PISD: variants seen among roughly 807,000 people sequenced by gnomAD.
PISD encodes phosphatidylserine decarboxylase, also known as phosphatidylserine decarboxylase proenzyme, mitochondrial.
PISD carries 31 observed loss-of-function variants against 43.5 expected under a neutral mutation model. The observed-to-expected ratio is 0.71, with a 90% confidence interval of 0.54 to 0.96. PISD has a LOEUF of 0.96. Ranked by LOEUF, PISD falls within the 40% of genes least tolerant of loss-of-function variation. The pLI is 0.00. For synonymous variants in PISD, 259 were observed against 228.7 expected, an observed-to-expected ratio of 1.13 and a Z score of -1.20; for missense variants, 523 against 548.4, an observed-to-expected ratio of 0.95 and a Z score of 0.46.
intron 6 of PISD, 110 bp downstream of exon 6, chr22:31,620,886 C>T (rs1227611387): frequency 7.1e-7 from 1 of 1,410,728 alleles, no homozygotes; most frequent in African/African-American, 1.4e-5. Context: ...GCAGTCAACT[C>T]CTGGCCTCAA....
rs2072238367 is a variant in PISD at position 31,618,521 on chromosome 22, G to A, written c.*1091C>T. Reference sequence around the variant, plus strand: ...AGTTTGATTTTTTTTATTTCAAAATGCTTTGCAATTAAATGAATTACTGTT... The same window carrying A: ...AGTTTGATTTTTTTTATTTCAAAATACTTTGCAATTAAATGAATTACTGTT... On this transcript the variant is annotated 3_prime_UTR_variant, in exon 8 of 8. Coordinates refer to ENST00000439502, the MANE Select transcript of PISD (RefSeq NM_001326411.2). 2 of 1,171,236 alleles carry A rather than the reference G, an allele frequency of 1.7e-6. No homozygotes were observed. Among genetic ancestry groups the A allele is most frequent in the African/African-American group, 1.6e-5 (1 of 64,312 alleles). The allele number at this position is 1,171,236 out of a possible 1,614,324, so 72.6% of individuals were successfully genotyped here.
upstream of PISD, chr22:31,662,505 C>G: frequency 2.0e-6 from 1 of 489,208 alleles, no homozygotes; most frequent in Non-Finnish European, 3.8e-6. Context: ...ATCCAAGATC[C>G]AAGAATGTCG....
chr22:31,624,120 G>A (rs531069745), intron 3 of PISD, among the ~76,000 whole-genome samples: 1 of 152,138 alleles, frequency 6.6e-6, no homozygotes, highest in Non-Finnish European at 1.5e-5. Flanking sequence ...TGGGAATGTG[G>A]GGGCAGCCGC....
chr22:31,629,134 C>A, intron 3 of PISD: 1 of 985,306 alleles, frequency 1.0e-6, no homozygotes, highest in Middle Eastern at 5.2e-4. Flanking sequence ...ACACCTGCCC[C>A]CCCAGTGGAA....
chr22:31,652,833 G>A (rs572076374), intron 1 of PISD, among the ~76,000 whole-genome samples: 1 of 151,698 alleles, frequency 6.6e-6, no homozygotes, highest in South Asian at 2.1e-4. Flanking sequence ...GAGCCCAGGA[G>A]TTCAAGACCA....
At chr22:31,643,210 A>C (rs919831210) in intron 3 of PISD, among the ~76,000 whole-genome samples, 3 of 152,164 alleles carry the variant, frequency 2.0e-5, no homozygotes, top group Non-Finnish European at 4.4e-5. Context: ...CGTGGGAATC[A>C]TCATGTCCCC....
intron 1 of PISD, among the ~76,000 whole-genome samples, chr22:31,661,094 T>C (rs1358836810): frequency 1.3e-5 from 2 of 151,422 alleles, no homozygotes; most frequent in African/African-American, 2.4e-5. Flanking sequence ...GGTAATAACA[T>C]TGAAAACAAA....
chr22:31,655,391 C>T lies in PISD; in HGVS notation c.66-4613G>A, dbSNP rs1391764731. ...AGTGCAGTGGCATGATCATAGCTCA[C>T]CGCTGCCTCAAATTTCTGGGCTCAA... On this transcript the variant is annotated intron_variant, in intron 1 of 7. Transcript: ENST00000439502. 4.6e-5 allele frequency among the ~76,000 whole-genome samples: 7 copies of T among 151,886 alleles called. No individual in the cohort carries two copies. In the Admixed American group the frequency reaches 4.6e-4, roughly 10 times the overall value.
In PISD at chr22:31,618,908, G is replaced by T; in HGVS notation, c.*704C>A. The T allele has an allele frequency of 6.1e-6, 1 of 162,990 alleles. No individual in the cohort carries two copies. Among genetic ancestry groups the T allele is most frequent in the Non-Finnish European group, 1.3e-5 (1 of 74,412 alleles). 10.1% of individuals were successfully genotyped at this position (162,990 alleles called of 1,614,324 possible). A position where few individuals can be genotyped will look rare whatever the true frequency, so the allele number is the denominator to read the frequency against. ...ACTCTGGTGCCATGAGGCAGGTTCAGTGATTGATTGGTCTTGCCTGCTGCA... is the reference window on the plus strand; with the variant it reads ...ACTCTGGTGCCATGAGGCAGGTTCATTGATTGATTGGTCTTGCCTGCTGCA... On this transcript the variant is annotated 3_prime_UTR_variant, in exon 8 of 8. Transcript: ENST00000439502.
rs2073167580 is a variant in PISD at position 31,630,738 on chromosome 22, G to A, written c.322-8853C>T. The A allele has an allele frequency of 1.0e-6, 1 of 985,366 alleles. No individual in the cohort carries two copies. The highest frequency in any genetic ancestry group is 4.7e-5 in the South Asian group (1 of 21,300). The allele number at this position is 985,366 out of a possible 1,614,324, so 61.0% of individuals were successfully genotyped here. A position where few individuals can be genotyped will look rare whatever the true frequency, so the allele number is the denominator to read the frequency against. On this transcript the variant is annotated intron_variant, in intron 3 of 7. Transcript: ENST00000439502. The surrounding 1 kb of genome is among the most constrained non-coding windows in gnomAD (Gnocchi z 4.4). The stretch of plus-strand genomic sequence containing the variant: ...ACTGGCCCTCTGAGCGGGCAGGGTG[G>A]GGCGCCTCCCTGAGAAGTCACCTGG...
intron 3 of PISD, chr22:31,623,788 G>T: frequency 1.2e-6 from 2 of 1,614,136 alleles, no homozygotes; most frequent in South Asian, 1.1e-5. Flanking sequence ...TTCAGAGCGG[G>T]TCTGGACATG....
intron 3 of PISD, chr22:31,627,921 G>A: frequency 4.8e-6 from 3 of 629,746 alleles, no homozygotes; most frequent in Non-Finnish European, 5.9e-6. Flanking sequence ...GAGGCCAGGG[G>A]CCAGGTCAGA....
At chr22:31,662,027 C>G (rs998436599) in intron 1 of PISD, 117 bp downstream of exon 1, 26 of 890,608 alleles carry the variant, frequency 2.9e-5, no homozygotes, top group Non-Finnish European at 4.4e-5. Context: ...GAAGGTGGCT[C>G]CGTCTCCACC....
chr22:31,629,296 G>A, intron 3 of PISD: 5 of 868,316 alleles, frequency 5.8e-6, no homozygotes, highest in Non-Finnish European at 6.9e-6. Context: ...AGGTGCAAGG[G>A]TATGTGCATG....
At chr22:31,649,948 G>C (rs2073987462) in intron 2 of PISD, among the ~76,000 whole-genome samples, 3 of 152,242 alleles carry the variant, frequency 2.0e-5, no homozygotes, top group South Asian at 4.1e-4. Flanking sequence ...AGCTAGGCAA[G>C]AGGCATGGAA....
intron 1 of PISD, among the ~76,000 whole-genome samples, chr22:31,651,761 A>G (rs147677846): frequency 0.011 from 1,607 of 152,296 alleles, 8 homozygotes; most frequent in Middle Eastern, 0.031. Context: ...AAAAAAAGGA[A>G]AATACTATTC....
rs1276378755 is a variant in PISD at position 31,621,868 on chromosome 22, T to C, written c.339A>G (p.Ser113=). ...CCCGTGACAGCAAGCGCGTTGGCAC[T>C]GACTTGTACAAAGCCACCTGCAGGC... ...AGHWEVALYK[S]VPTRLLSRAW... is the part of the protein sequence containing the mutation. The change falls in exon 4 of 8, where the codon TCA becomes TCG. Residue 113 remains serine (S), a synonymous_variant. Coordinates refer to ENST00000439502, the MANE Select transcript of PISD (RefSeq NM_001326411.2). 3 of 1,609,034 alleles carry C rather than the reference T, an allele frequency of 1.9e-6. No homozygotes were observed. Among genetic ancestry groups the C allele is most frequent in the Non-Finnish European group, 2.5e-6 (3 of 1,179,956 alleles).
rs1405577178 is a variant in PISD at position 31,643,049 on chromosome 22, CAG to C, written c.321+5050_321+5051del. Among the ~76,000 whole-genome samples, 4 of 145,992 alleles carry C rather than the reference CAG, an allele frequency of 2.7e-5. No homozygotes were observed. In the East Asian group the frequency reaches 6.1e-4, roughly 22 times the overall value. On this transcript the variant is annotated intron_variant, in intron 3 of 7. Transcript: ENST00000439502. ...CCCGGGAGGCGGAAGTTGCAGTGAGCAGAGATTGTGCCACTGCACTCCAGCCT... is the reference window on the plus strand; with the variant it reads ...CCCGGGAGGCGGAAGTTGCAGTGAGCAGATTGTGCCACTGCACTCCAGCCT...
At chr22:31,662,485 A>T, upstream of PISD, 5 of 514,772 alleles carry the variant, frequency 9.7e-6, no homozygotes, top group Non-Finnish European at 1.8e-5. Flanking sequence ...GTACCTGGAA[A>T]ATCTGAGTCA....
Sources: allele counts gnomAD v4.1 joint callset (sites outside exome capture counted in the v4.1 genomes callset), GRCh38; gene constraint gnomAD v4.1.1; non-coding constraint Gnocchi (gnomAD v3.1); transcripts MANE v1.5; gene names NCBI Gene and HGNC (gene_info 2026-07-23, HGNC 2026-07-21).